The following TSC22D4 variants were observed in gnomAD, a reference collection of about 807,000 sequenced individuals.
TSC22D4 encodes the protein TSC22 domain family protein 4.
Under a neutral mutation model 24.9 loss-of-function variants are expected in TSC22D4, and 5 were observed. The ratio of observed to expected loss-of-function variants is 0.20; its 90% CI spans 0.10 to 0.42. TSC22D4 has a LOEUF of 0.42. TSC22D4 is among the 10% of genes least tolerant of loss of function. TSC22D4 has a pLI of 1.00. For missense variants in TSC22D4, 469 were observed against 547.9 expected (o/e 0.86, Z 1.44); for synonymous variants, 245 against 243.2 (o/e 1.01, Z -0.07).
intron 2 of TSC22D4, among the ~76,000 whole-genome samples, chr7:100,475,968 G>A (rs1427122713): frequency 2.0e-5 from 3 of 151,818 alleles, no homozygotes; most frequent in Non-Finnish European, 4.4e-5. Context: ...AAGGGAGACA[G>A]ACTTTTGGGC....
chr7:100,466,816 CA>C lies in TSC22D4; in HGVS notation c.*142del. 1 of 803,762 alleles carries C rather than the reference CA, an allele frequency of 1.2e-6. No individual in the cohort carries two copies. Among genetic ancestry groups the C allele is most frequent in the Non-Finnish European group, 1.9e-6 (1 of 514,094 alleles). 49.8% of individuals were successfully genotyped at this position (803,762 alleles called of 1,614,324 possible). A position where few individuals can be genotyped will look rare whatever the true frequency, so the allele number is the denominator to read the frequency against. On this transcript the variant is annotated 3_prime_UTR_variant, in exon 5 of 5. Transcript: ENST00000300181. Reference sequence around the variant, plus strand: ...GGCTGGGGATGATGAGGAGATGGGGCAGGGGCCGGGGGACCAGGCCATTACT... The same window carrying C: ...GGCTGGGGATGATGAGGAGATGGGGCGGGGCCGGGGGACCAGGCCATTACT...
At position 100,466,951 on chromosome 7, in the gene TSC22D4, A is replaced by T; in HGVS notation, c.*8T>A. 6.5e-7 allele frequency: 1 copy of T among 1,541,388 alleles called. No individual in the cohort carries two copies. Among genetic ancestry groups the T allele is most frequent in the Non-Finnish European group, 8.8e-7 (1 of 1,141,882 alleles). On this transcript the variant is annotated 3_prime_UTR_variant, in exon 5 of 5. Transcript: ENST00000300181. ...AGCCCCAAAGGCACATTGTAAGGGA[A>T]GGGAGGCTCAGACGGAGGGCCCATT...
At position 100,474,242 on chromosome 7, in the gene TSC22D4, C is replaced by T. The variant is rs770367872; in HGVS notation, c.929+32G>A. Reference sequence around the variant, plus strand: ...GGGTGCTGGGCGGGGAACCTGAACCCCACGCCCCACCACCCCACGAAGCCC... The same window carrying T: ...GGGTGCTGGGCGGGGAACCTGAACCTCACGCCCCACCACCCCACGAAGCCC... On this transcript the variant is annotated intron_variant, in intron 3 of 4. Transcript: ENST00000300181. This position sits in a 1 kb window ranked among gnomAD's most constrained non-coding sequence, Gnocchi z 4.3. 3 of 1,608,546 alleles carry T rather than the reference C, an allele frequency of 1.9e-6. No individual in the cohort carries two copies. The highest frequency in any genetic ancestry group is 2.2e-5 in the South Asian group (2 of 90,906).
Position 100,478,085 on chromosome 7 carries a change from C to G in TSC22D4, c.-47G>C, listed in dbSNP as rs1043563704. 1.3e-6 allele frequency: 2 copies of G among 1,527,058 alleles called. No homozygotes were observed. The highest frequency in any genetic ancestry group is 1.8e-6 in the Non-Finnish European group (2 of 1,133,120). 94.6% of individuals were successfully genotyped at this position (1,527,058 alleles called of 1,614,324 possible). ...GGCCAAGGTTGGGGGTGGGTTGGGG[C>G]TCCTTGAAGGGGCTCAGGCACCCCT... On this transcript the variant is annotated 5_prime_UTR_variant, in exon 2 of 5. Coordinates refer to ENST00000300181, the MANE Select transcript of TSC22D4 (RefSeq NM_030935.5).
chr7:100,477,739 C>G lies in TSC22D4; in HGVS notation c.300G>C (p.Leu100=). The part of the protein sequence containing the change: ...WTCVDVYERD[L]EPHSFGGLLE... ...GGAGTCCGCCGAAGCTGTGGGGCTC[C>G]AGGTCTCGCTCATAAACATCCACAC... The change falls in exon 2 of 5, where the codon CTG becomes CTC. Residue 100 remains leucine (L), a synonymous_variant. Coordinates refer to ENST00000300181, the MANE Select transcript of TSC22D4 (RefSeq NM_030935.5). The surrounding 1 kb of genome is among the most constrained non-coding windows in gnomAD (Gnocchi z 7.8). 6.2e-7 allele frequency: 1 copy of G among 1,603,088 alleles called. No individual in the cohort carries two copies. Among genetic ancestry groups the G allele is most frequent in the South Asian group, 1.1e-5 (1 of 90,968 alleles).
Position 100,474,743 on chromosome 7 carries a change from A to G in TSC22D4, c.763-303T>C, listed in dbSNP as rs943125716. 6.6e-6 allele frequency among the ~76,000 whole-genome samples: 1 copy of G among 152,094 alleles called. No individual in the cohort carries two copies. Among genetic ancestry groups the G allele is most frequent in the Non-Finnish European group, 1.5e-5 (1 of 68,000 alleles). ...AACCCAGAATAGACTCCAATGCCCC[A>G]GCTCCCACTGGGCCGGGACCCCTAA... On this transcript the variant is annotated intron_variant, in intron 2 of 4. Transcript: ENST00000300181. This position sits in a 1 kb window ranked among gnomAD's most constrained non-coding sequence, Gnocchi z 4.3.
chr7:100,473,289 C>G (rs1443281849), intron 3 of TSC22D4, among the ~76,000 whole-genome samples: 1 of 152,146 alleles, frequency 6.6e-6, no homozygotes, highest in Non-Finnish European at 1.5e-5. Flanking sequence ...CTTGCTTTCT[C>G]GGTTCTAGAA....
rs2131039150 is a variant in TSC22D4, at chr7:100,467,579, G to A, written c.951C>T (p.Gly317=). ...TGGCTTGCTCGATTTTGTTGTCAAT[G>A]CCAACCAGGCTTCCGGAGCCACTGG... is the stretch of plus-strand genomic sequence containing the variant. ...DDDSGSGSLV[G]IDNKIEQAMD... Residue 317 remains glycine, a synonymous_variant, in exon 4 of 5, where the codon GGC becomes GGT. Coordinates refer to ENST00000300181, the MANE Select transcript of TSC22D4 (RefSeq NM_030935.5). 1 of 1,614,090 alleles carries A rather than the reference G, an allele frequency of 6.2e-7. No homozygotes were observed. The highest frequency in any genetic ancestry group is 1.6e-4 in the Middle Eastern group (1 of 6,062).
rs1307805983 is a variant in TSC22D4, at chr7:100,466,939, C to A, written c.*20G>T. The A allele has an allele frequency of 1.3e-6, 2 of 1,525,904 alleles. No individual in the cohort carries two copies. The highest frequency in any genetic ancestry group is 1.8e-6 in the Non-Finnish European group (2 of 1,134,124). The allele number at this position is 1,525,904 out of a possible 1,614,324, so 94.5% of individuals were successfully genotyped here. ...GCAAGGCCGGGCAGCCCCAAAGGCA[C>A]ATTGTAAGGGAAGGGAGGCTCAGAC... On this transcript the variant is annotated 3_prime_UTR_variant, in exon 5 of 5. Transcript: ENST00000300181.
At chr7:100,469,071 C>CA (rs1799344200) in intron 3 of TSC22D4, among the ~76,000 whole-genome samples, 1 of 149,236 alleles carries the variant, frequency 6.7e-6, no homozygotes, top group African/African-American at 2.5e-5. Context: ...ACTAAAAGTA[C>CA]AAAAAATTAG....
intron 3 of TSC22D4, among the ~76,000 whole-genome samples, chr7:100,470,878 C>G (rs1799378605): frequency 6.6e-6 from 1 of 152,160 alleles, no homozygotes; most frequent in African/African-American, 2.4e-5. Flanking sequence ...ACTGTGATTT[C>G]AAATATGAGC....
In TSC22D4 at chr7:100,474,236, T is replaced by G. The variant is rs1429317411; in HGVS notation, c.929+38A>C. On this transcript the variant is annotated intron_variant, in intron 3 of 4. Transcript: ENST00000300181. The surrounding 1 kb of genome is among the most constrained non-coding windows in gnomAD (Gnocchi z 4.3). ...TACCCCGGGTGCTGGGCGGGGAACC[T>G]GAACCCCACGCCCCACCACCCCACG... is the stretch of plus-strand genomic sequence containing the variant. 2 of 1,606,066 alleles carry G rather than the reference T, an allele frequency of 1.2e-6. No homozygotes were observed. The highest frequency in any genetic ancestry group is 1.7e-5 in the Admixed American group (1 of 59,836).
In TSC22D4 at chr7:100,477,192, GGAGA is replaced by G. The variant is rs376555320; in HGVS notation, c.762+81_762+84del. 8,652 of 1,043,026 alleles carry G rather than the reference GGAGA, an allele frequency of 8.3e-3. 111 individuals are homozygous for G. Among genetic ancestry groups the G allele is most frequent in the African/African-American group, 0.024 (1,076 of 44,916 alleles). The allele number at this position is 1,043,026 out of a possible 1,614,324, so 64.6% of individuals were successfully genotyped here. A position where few individuals can be genotyped will look rare whatever the true frequency, so the allele number is the denominator to read the frequency against. On this transcript the variant is annotated intron_variant, in intron 2 of 4. Coordinates refer to ENST00000300181, the MANE Select transcript of TSC22D4 (RefSeq NM_030935.5). This position sits in a 1 kb window ranked among gnomAD's most constrained non-coding sequence, Gnocchi z 7.8. The stretch of plus-strand genomic sequence containing the variant: ...CTTATAAAGTGATGGAGAAGGAGGA[GGAGA>G]GGGGGGGGAGGAGGAGGAAGGAGGC...
chr7:100,471,648 G>A (rs922426601), intron 3 of TSC22D4, among the ~76,000 whole-genome samples: 11 of 152,138 alleles, frequency 7.2e-5, no homozygotes, highest in African/African-American at 2.4e-4. Flanking sequence ...GCTGAGCCAG[G>A]AGAATCGCTT....
chr7:100,476,453 G>A (rs1799498064), intron 2 of TSC22D4, among the ~76,000 whole-genome samples: 1 of 152,148 alleles, frequency 6.6e-6, no homozygotes, highest in African/African-American at 2.4e-5. Context: ...TTCTCCCACA[G>A]GACAGAAGTA....
chr7:100,475,968 G>T (rs1427122713), intron 2 of TSC22D4, among the ~76,000 whole-genome samples: 2 of 151,818 alleles, frequency 1.3e-5, no homozygotes, highest in Non-Finnish European at 2.9e-5. Flanking sequence ...AAGGGAGACA[G>T]ACTTTTGGGC....
intron 4 of TSC22D4, 76 bp downstream of exon 4, chr7:100,467,476 G>T: frequency 6.7e-7 from 1 of 1,503,098 alleles, no homozygotes; most frequent in Non-Finnish European, 9.2e-7. Flanking sequence ...TCCCTGGTAA[G>T]GAAGAGGACA....
At position 100,473,449 on chromosome 7, in the gene TSC22D4, G is replaced by T. The variant is rs528856271; in HGVS notation, c.929+825C>A. On this transcript the variant is annotated intron_variant, in intron 3 of 4. Transcript: ENST00000300181. Reference sequence around the variant, plus strand: ...CCATTCTTTTTCAGTTTTTTTTGTTGTTTTTTTTTTGAGGCGGAGTCTCGC... The same window carrying T: ...CCATTCTTTTTCAGTTTTTTTTGTTTTTTTTTTTTTGAGGCGGAGTCTCGC... Among the ~76,000 whole-genome samples the T allele has an allele frequency of 7.4e-4, 110 of 148,202 alleles. 1 individual carries two copies. The highest frequency in any genetic ancestry group is 1.3e-3 in the Non-Finnish European group (85 of 66,682).
intron 3 of TSC22D4, among the ~76,000 whole-genome samples, chr7:100,471,505 C>G (rs1033038543): frequency 6.6e-6 from 1 of 152,084 alleles, no homozygotes; most frequent in South Asian, 2.1e-4. Context: ...TTTGGGAGGT[C>G]GAGGTGGGTG....
Sources: gnomAD v4.1 joint callset for allele counts (sites outside exome capture counted in the v4.1 genomes callset) on GRCh38, gnomAD v4.1.1 for gene constraint, Gnocchi (gnomAD v3.1) non-coding constraint, MANE v1.5 for transcripts, NCBI Gene and HGNC (gene_info 2026-07-23, HGNC 2026-07-21) for gene names.